Variants in ADAMTS14 observed in about 807,000 individuals in gnomAD.
ADAMTS14 encodes A disintegrin and metalloproteinase with thrombospondin motifs 14.
A neutral mutation model predicts 128.6 loss-of-function variants in ADAMTS14; 100 were observed. That is an observed-to-expected ratio of 0.78 (90% CI 0.66 to 0.92). ADAMTS14 has a LOEUF of 0.92. ADAMTS14 is among the 40% of genes least tolerant of loss of function. The pLI is 0.00. For missense variants in ADAMTS14, 1,562 were observed against 1,658.6 expected (o/e 0.94, Z 1.01); for synonymous variants, 665 against 653.8 (o/e 1.02, Z -0.26).
At chr10:70,679,608 C>T (rs1051697191) in intron 2 of ADAMTS14, among the ~76,000 whole-genome samples, 15 of 152,230 alleles carry the variant, frequency 9.9e-5, no homozygotes, top group Admixed American at 2.0e-4. Context: ...GCTTCTCCTA[C>T]GGCCATCTCT....
chr10:70,679,495 G>A (rs1839739046), intron 2 of ADAMTS14, among the ~76,000 whole-genome samples: 1 of 152,162 alleles, frequency 6.6e-6, no homozygotes, highest in Non-Finnish European at 1.5e-5. Flanking sequence ...AGAAGTTGTG[G>A]CGTGCAAGGT....
chr10:70,702,203 A>G (rs1252066643), intron 2 of ADAMTS14, 109 bp from the exon 3 acceptor site: 1 of 1,482,734 alleles, frequency 6.7e-7, no homozygotes, highest in Non-Finnish European at 9.2e-7. Flanking sequence ...AAGAGCCTGC[A>G]AGCATGTAGG....
chr10:70,676,335 C>T (rs536051632), intron 2 of ADAMTS14, among the ~76,000 whole-genome samples: 1 of 152,332 alleles, frequency 6.6e-6, no homozygotes, highest in Admixed American at 6.5e-5. Context: ...CACAGATATA[C>T]TGAATATCTG....
rs1048997489 is a variant in ADAMTS14, at chr10:70,736,280, G to A, written c.1486-400G>A. Reference sequence around the variant, plus strand: ...TCGTTGGAGTGCTGGGGTGGGGGGGGTCTGGGCTGGAAAGCAGCAGTCCCC... The same window carrying A: ...TCGTTGGAGTGCTGGGGTGGGGGGGATCTGGGCTGGAAAGCAGCAGTCCCC... On this transcript the variant is annotated intron_variant, in intron 9 of 21. Coordinates refer to ENST00000373207, the MANE Select transcript of ADAMTS14 (RefSeq NM_080722.4). 3.4e-5 allele frequency among the ~76,000 whole-genome samples: 5 copies of A among 146,870 alleles called. No homozygotes were observed. The East Asian group carries it at 1.0e-3, about 30-fold the overall frequency.
intron 21 of ADAMTS14, among the ~76,000 whole-genome samples, chr10:70,758,860 C>T (rs1246192534): frequency 1.3e-5 from 2 of 152,284 alleles, no homozygotes; most frequent in East Asian, 3.9e-4. Flanking sequence ...TTCCATTCAT[C>T]CACCCACGGA....
At chr10:70,741,364 C>T (rs1015010602) in intron 12 of ADAMTS14, among the ~76,000 whole-genome samples, 5 of 152,188 alleles carry the variant, frequency 3.3e-5, no homozygotes, top group African/African-American at 7.2e-5. Context: ...GGTCATCATC[C>T]CCATCAAGGC....
chr10:70,703,643 G>A (rs972825058), intron 3 of ADAMTS14, among the ~76,000 whole-genome samples: 13 of 152,184 alleles, frequency 8.5e-5, no homozygotes, highest in Admixed American at 1.3e-4. Context: ...TTTAAAGGAC[G>A]ATTCTGAATC....
chr10:70,733,823 G>GCCTGCCTT, intron 7 of ADAMTS14, 62 bp from the exon 8 acceptor site: 1 of 1,558,836 alleles, frequency 6.4e-7, no homozygotes, highest in Non-Finnish European at 8.7e-7. Context: ...CTGCCTGCCT[G>GCCTGCCTT]CCTGCCTTCC....
At chr10:70,726,354 C>A (rs547020424) in intron 4 of ADAMTS14, among the ~76,000 whole-genome samples, 1 of 152,310 alleles carries the variant, frequency 6.6e-6, no homozygotes, top group South Asian at 2.1e-4. Flanking sequence ...AGTCTGGCAG[C>A]AATTCACATG....
chr10:70,679,594 G>T (rs932215042), intron 2 of ADAMTS14, among the ~76,000 whole-genome samples: 1 of 152,328 alleles, frequency 6.6e-6, no homozygotes, highest in South Asian at 2.1e-4. Flanking sequence ...CCTCCTGAAG[G>T]GTTGCTTCTC....
chr10:70,740,931 G>A, intron 11 of ADAMTS14, 56 bp from the exon 12 acceptor site: 1 of 1,577,742 alleles, frequency 6.3e-7, no homozygotes, highest in Non-Finnish European at 8.7e-7. Flanking sequence ...GGGAAACCTG[G>A]CCCTCCCCAG....
intron 10 of ADAMTS14, 140 bp from the exon 11 acceptor site, chr10:70,738,702 T>C: frequency 8.5e-7 from 1 of 1,170,240 alleles, no homozygotes; most frequent in Non-Finnish European, 1.2e-6. Context: ...AAGCCTTTTG[T>C]TTAAGGCTGC....
At chr10:70,752,467 T>A (rs548825653) in intron 18 of ADAMTS14, among the ~76,000 whole-genome samples, 50 of 130,448 alleles carry the variant, frequency 3.8e-4, no homozygotes, top group Middle Eastern at 4.1e-3. Context: ...CCAGCCATGG[T>A]CCAGCCCCTA....
At chr10:70,690,705 C>T (rs1170544249) in intron 2 of ADAMTS14, among the ~76,000 whole-genome samples, 1 of 145,100 alleles carries the variant, frequency 6.9e-6, no homozygotes, top group African/African-American at 2.4e-5. Flanking sequence ...CTCTCTTGGG[C>T]CTGTTCTCCA....
intron 8 of ADAMTS14, 101 bp from the exon 9 acceptor site, chr10:70,735,068 A>G: frequency 6.8e-7 from 1 of 1,469,310 alleles, no homozygotes. Flanking sequence ...GCGGGTGCAA[A>G]TTCTTGCAGG....
chr10:70,710,105 G>A (rs17600770), intron 4 of ADAMTS14, among the ~76,000 whole-genome samples: 22,362 of 152,218 alleles, frequency 0.15, 1,994 homozygotes, highest in Middle Eastern at 0.24. Flanking sequence ...GTGTAGTACC[G>A]GAGGCAGGTG....
intron 11 of ADAMTS14, among the ~76,000 whole-genome samples, chr10:70,740,658 A>G (rs1841967402): frequency 6.6e-6 from 1 of 152,238 alleles, no homozygotes. Context: ...GCACCCACAA[A>G]GATGAGTAAG....
intron 11 of ADAMTS14, among the ~76,000 whole-genome samples, chr10:70,740,591 G>A (rs1841965132): frequency 1.3e-5 from 2 of 152,204 alleles, no homozygotes. Flanking sequence ...GCAAATGGGA[G>A]TGGCTGAGTC....
chr10:70,688,906 A>AGG (rs200477142), intron 2 of ADAMTS14, among the ~76,000 whole-genome samples: 1 of 100,820 alleles, frequency 9.9e-6, no homozygotes, highest in African/African-American at 4.4e-5. Context: ...GGAGAGGGAG[A>AGG]GCCTTTGCTT....
Sources: gnomAD v4.1 joint callset for allele counts (sites outside exome capture counted in the v4.1 genomes callset) on GRCh38, gnomAD v4.1.1 for gene constraint, MANE v1.5 for transcripts, NCBI Gene and HGNC (gene_info 2026-07-23, HGNC 2026-07-21) for gene names.